POGZ: variants seen among roughly 807,000 people sequenced by gnomAD.
POGZ encodes the protein pogo transposable element derived with ZNF domain, also known as pogo transposable element with ZNF domain.
A neutral mutation model predicts 134.6 loss-of-function variants in POGZ; 17 were observed. The ratio of observed to expected loss-of-function variants is 0.13; its 90% CI spans 0.09 to 0.19. The LOEUF (loss-of-function observed/expected upper bound fraction) is 0.19, where lower values mean the gene tolerates loss of function less well. POGZ is among the 10% of genes least tolerant of loss of function. POGZ has a pLI of 1.00. For synonymous variants in POGZ, 693 were observed against 657.1 expected (o/e 1.05, Z -0.84); for missense variants, 1,306 against 1,769.7 (o/e 0.74, Z 4.70).
chr1:151,406,575 A>G, intron 18 of POGZ, 32 bp downstream of exon 18: 1 of 1,605,402 alleles, frequency 6.2e-7, no homozygotes, highest in Non-Finnish European at 8.5e-7. Flanking sequence ...ACTGCAAACC[A>G]GAAATTAAAT....
chr1:151,434,449 C>A (rs1251420212), intron 3 of POGZ, among the ~76,000 whole-genome samples: 1 of 152,074 alleles, frequency 6.6e-6, no homozygotes, highest in Non-Finnish European at 1.5e-5. Flanking sequence ...CTACTGCACT[C>A]CAGCCTGGGT....
At chr1:151,454,370 G>C (rs1571600594) in intron 1 of POGZ, among the ~76,000 whole-genome samples, 1 of 152,128 alleles carries the variant, frequency 6.6e-6, no homozygotes, top group South Asian at 2.1e-4. Flanking sequence ...CTTAATCTGT[G>C]TATAAAACTA....
At chr1:151,416,101 G>A (rs777994045) in intron 10 of POGZ, among the ~76,000 whole-genome samples, 29 of 150,914 alleles carry the variant, frequency 1.9e-4, no homozygotes, top group East Asian at 1.2e-3. Context: ...CCAGCTACTC[G>A]GGAGGCTGAG....
intron 8 of POGZ, 111 bp from the exon 9 acceptor site, chr1:151,424,397 C>G: frequency 3.0e-6 from 2 of 672,460 alleles, no homozygotes; most frequent in Non-Finnish European, 2.4e-6. Context: ...TATTCTCATT[C>G]AGCTTTCACC....
At chr1:151,420,783 C>T (rs1289390487) in intron 10 of POGZ, among the ~76,000 whole-genome samples, 7 of 151,798 alleles carry the variant, frequency 4.6e-5, no homozygotes, top group African/African-American at 1.7e-4. Flanking sequence ...AAAAGAATGA[C>T]GAATATCTCA....
intron 1 of POGZ, among the ~76,000 whole-genome samples, chr1:151,448,674 C>T (rs1008464518): frequency 2.0e-5 from 3 of 151,874 alleles, no homozygotes; most frequent in African/African-American, 7.3e-5. Context: ...CCAGCCTGGG[C>T]AACTTGGTGA....
intron 1 of POGZ, among the ~76,000 whole-genome samples, chr1:151,444,953 GGAGTTCGAGGTTACAGT>G (rs1661057096): frequency 6.6e-6 from 1 of 152,058 alleles, no homozygotes; most frequent in African/African-American, 2.4e-5. Flanking sequence ...CCTGAGCCCA[GGAGTTCGAGGTTACAGT>G]GAGCTCGAGG....
In POGZ at chr1:151,428,224, G is replaced by T; in HGVS notation, c.758C>A (p.Pro253His). Residue 253 changes from proline (P) to histidine (H), a missense_variant, in exon 6 of 19, where the codon CCC becomes CAC. Physicochemically the swap from Pro to His is moderately conservative, Grantham distance 77. Around this residue, in one of 10 missense-constraint regions of POGZ, gnomAD observed 541 missense variants for 680.5 expected, o/e 0.80. Transcript: ENST00000271715. ...GGCAGTGGGAGTGGTAGAAGTGCTGGGAGTGGACTTGGTCTGCTGGGACTG... is the reference window on the plus strand; with the variant it reads ...GGCAGTGGGAGTGGTAGAAGTGCTGTGAGTGGACTTGGTCTGCTGGGACTG... ...QSQSQQTKST[P>H]STSTTPTATQ... The T allele has an allele frequency of 6.2e-7, 1 of 1,614,018 alleles. No homozygotes were observed. The highest frequency in any genetic ancestry group is 1.3e-5 in the African/African-American group (1 of 75,000).
chr1:151,431,469 A>T (rs1004791570), intron 3 of POGZ, among the ~76,000 whole-genome samples: 2 of 152,226 alleles, frequency 1.3e-5, no homozygotes, highest in Admixed American at 6.5e-5. Flanking sequence ...TTAATTCAGC[A>T]AGCACACAGA....
At chr1:151,437,280 T>A (rs1042908084) in intron 3 of POGZ, among the ~76,000 whole-genome samples, 15 of 152,242 alleles carry the variant, frequency 9.9e-5, no homozygotes, top group East Asian at 5.8e-4. Context: ...TGTTTTTTTT[T>A]AATCACATCT....
At position 151,404,214 on chromosome 1, in the gene POGZ, A is replaced by G; in HGVS notation, c.*588T>C. On this transcript the variant is annotated 3_prime_UTR_variant, in exon 19 of 19. Transcript: ENST00000271715. ...GAGAAGGAAGAGAGAGTTCAGTGGG[A>G]CTTTTTTTCCATTTTCATTTTTATA... The G allele has an allele frequency of 1.0e-6, 1 of 985,668 alleles. No homozygotes were observed. The highest frequency in any genetic ancestry group is 6.1e-5 in the Admixed American group (1 of 16,270). 61.1% of individuals were successfully genotyped at this position (985,668 alleles called of 1,614,324 possible).
chr1:151,432,701 A>G (rs972672515), intron 3 of POGZ, among the ~76,000 whole-genome samples: 7 of 152,220 alleles, frequency 4.6e-5, no homozygotes, highest in African/African-American at 9.6e-5. Context: ...ACTAGTTCCC[A>G]TATCACTTTA....
chr1:151,454,274 CAACAT>C (rs1190302264), intron 1 of POGZ, among the ~76,000 whole-genome samples: 1 of 152,204 alleles, frequency 6.6e-6, no homozygotes, highest in Non-Finnish European at 1.5e-5. Flanking sequence ...TGATAATCCT[CAACAT>C]AACTGGTAAT....
chr1:151,446,111 A>C (rs564142257), intron 1 of POGZ, among the ~76,000 whole-genome samples: 2 of 149,382 alleles, frequency 1.3e-5, no homozygotes, highest in South Asian at 4.2e-4. Context: ...GTTTTTGAAC[A>C]AAGAAGACAG....
intron 12 of POGZ, among the ~76,000 whole-genome samples, chr1:151,411,292 C>T (rs1410033109): frequency 6.6e-6 from 1 of 152,248 alleles, no homozygotes; most frequent in Non-Finnish European, 1.5e-5. Context: ...CTTATTTCAT[C>T]TGGCTCATTC....
At chr1:151,427,327 C>T (rs1657954202) in intron 7 of POGZ, 1 of 157,444 alleles carries the variant, frequency 6.4e-6, no homozygotes, top group South Asian at 1.8e-4. Context: ...CATGCTCATT[C>T]GTTTATGTAT....
At position 151,406,952 on chromosome 1, in the gene POGZ, A is replaced by C. The variant is rs1179290120; in HGVS notation, c.2504T>G (p.Val835Gly). ...SVGDAMAKHL[V>G]FNPSHRSSSI... ...GCTGGATCTGTGAGAGGGGTTGAAT[A>C]CCAAATGCTTGGCCATAGCATCGCC... Residue 835 changes from valine (V) to glycine (G), a missense_variant, in exon 17 of 19, where the codon GTA becomes GGA. Coordinates refer to ENST00000271715, the MANE Select transcript of POGZ (RefSeq NM_015100.4). The C allele has an allele frequency of 6.2e-7, 1 of 1,613,986 alleles. No individual in the cohort carries two copies. Among genetic ancestry groups the C allele is most frequent in the Non-Finnish European group, 8.5e-7 (1 of 1,179,988 alleles).
intron 10 of POGZ, among the ~76,000 whole-genome samples, chr1:151,421,738 A>T (rs963926947): frequency 6.6e-6 from 1 of 152,160 alleles, no homozygotes. Context: ...GTTAAATGAT[A>T]TAACAGATAT....
chr1:151,424,277 G>T lies in POGZ; in HGVS notation c.1195C>A (p.Pro399Thr). The change falls in exon 9 of 19, where the codon CCA (proline) becomes ACA (threonine). Residue 399 changes from proline (P) to threonine (T), a missense_variant. Around this residue, in one of 10 missense-constraint regions of POGZ, gnomAD observed 541 missense variants for 680.5 expected, o/e 0.80. Transcript: ENST00000271715. Reference protein sequence around the residue: ...ALRGHMCYCCPEMVEYQKKGK... With the variant: ...ALRGHMCYCCTEMVEYQKKGK... ...TTCTTCTGGTATTCAACCATTTCTG[G>T]GCAACAGTACTATAAAGAAAGACAT... is the stretch of plus-strand genomic sequence containing the variant. 2 of 1,586,186 alleles carry T rather than the reference G, an allele frequency of 1.3e-6. No homozygotes were observed. The highest frequency in any genetic ancestry group is 1.7e-6 in the Non-Finnish European group (2 of 1,163,708).
Sources: allele counts gnomAD v4.1 joint callset (sites outside exome capture counted in the v4.1 genomes callset), GRCh38; gene constraint gnomAD v4.1.1; regional missense constraint gnomAD v4.1.1; transcripts MANE v1.5; gene names NCBI Gene and HGNC (gene_info 2026-07-23, HGNC 2026-07-21).